SEC23A: variants seen among roughly 807,000 people sequenced by gnomAD.
SEC23A encodes the protein protein transport protein Sec23A.
Under a neutral mutation model 103.7 loss-of-function variants are expected in SEC23A, and 56 were observed. That is an observed-to-expected ratio of 0.54 (90% confidence interval 0.44 to 0.67). The LOEUF (loss-of-function observed/expected upper bound fraction) is 0.67, where lower values mean the gene tolerates loss of function less well. SEC23A is among the 30% of genes least tolerant of loss of function. The pLI, the probability that SEC23A is intolerant of heterozygous loss-of-function variation, is 0.00. For synonymous variants in SEC23A, 281 were observed against 293.0 expected (o/e 0.96, Z 0.42); for missense variants, 784 against 936.4 (o/e 0.84, Z 2.12).
chr14:39,096,489 C>T (rs920157621), intron 1 of SEC23A, among the ~76,000 whole-genome samples: 8 of 151,692 alleles, frequency 5.3e-5, no homozygotes, highest in Non-Finnish European at 7.4e-5. Context: ...GAGATCATTC[C>T]GTTGCACTCC....
At chr14:39,061,429 T>G (rs1886473324) in intron 13 of SEC23A, among the ~76,000 whole-genome samples, 2 of 152,026 alleles carry the variant, frequency 1.3e-5, no homozygotes, top group Non-Finnish European at 2.9e-5. Context: ...ATGTGATTAA[T>G]TACTGTGCTA....
chr14:39,061,579 C>T (rs986084036), intron 13 of SEC23A, among the ~76,000 whole-genome samples, 186 bp downstream of exon 13: 5 of 151,996 alleles, frequency 3.3e-5, no homozygotes, highest in African/African-American at 1.2e-4. Flanking sequence ...TTTAAAATTG[C>T]TCTTACGGTT....
At chr14:39,068,214 A>T (rs59881143) in intron 9 of SEC23A, among the ~76,000 whole-genome samples, 43,169 of 152,014 alleles carry the variant, frequency 0.28, 6,879 homozygotes, top group Non-Finnish European at 0.35. Flanking sequence ...AGATTGGCAA[A>T]AATCAGTTTG....
intron 7 of SEC23A, among the ~76,000 whole-genome samples, chr14:39,081,760 AT>A (rs571576985): frequency 1.8e-4 from 28 of 152,056 alleles, no homozygotes; most frequent in African/African-American, 3.4e-4. Context: ...TTAATATAAA[AT>A]TTTTTTTATT....
chr14:39,043,007 T>C (rs567364670), intron 16 of SEC23A, 135 bp from the exon 17 acceptor site: 3 of 621,426 alleles, frequency 4.8e-6, no homozygotes, highest in South Asian at 2.0e-5. Flanking sequence ...AGAAGGGTCT[T>C]GCTCTGTCAC....
At chr14:39,071,822 C>T (rs1398722300) in intron 9 of SEC23A, among the ~76,000 whole-genome samples, 1 of 152,108 alleles carries the variant, frequency 6.6e-6, no homozygotes, top group Non-Finnish European at 1.5e-5. Context: ...CGAGATCACG[C>T]CACTGCACTC....
chr14:39,074,287 C>T, intron 9 of SEC23A, 128 bp downstream of exon 9: 1 of 708,590 alleles, frequency 1.4e-6, no homozygotes, highest in South Asian at 1.6e-5. Flanking sequence ...TCAAAAACTA[C>T]TAACAGATGT....
chr14:39,100,660 A>G (rs1050362971), intron 1 of SEC23A, among the ~76,000 whole-genome samples: 4 of 151,334 alleles, frequency 2.6e-5, no homozygotes, highest in Non-Finnish European at 5.9e-5. Context: ...TGATCCACCC[A>G]CCTCAGCCTC....
intron 5 of SEC23A, among the ~76,000 whole-genome samples, chr14:39,090,102 T>A (rs1301263960): frequency 6.6e-6 from 1 of 152,192 alleles, no homozygotes; most frequent in African/African-American, 2.4e-5. Flanking sequence ...GCAGCACCAC[T>A]ACCTCAGTCT....
intron 13 of SEC23A, among the ~76,000 whole-genome samples, chr14:39,059,306 A>AAAAAAAAAAAAAAAAAAAAAAG (rs1886385273): frequency 9.1e-6 from 1 of 109,668 alleles, no homozygotes; most frequent in African/African-American, 3.4e-5. Context: ...AAAAAAAAAA[A>AAAAAAAAAAAAAAAAAAAAAAG]AAAACAACAA....
chr14:39,086,511 A>T (rs1259795690), intron 6 of SEC23A, among the ~76,000 whole-genome samples: 1 of 152,062 alleles, frequency 6.6e-6, no homozygotes, highest in Non-Finnish European at 1.5e-5. Context: ...AATCCCAGCT[A>T]CTTGGGAGGC....
intron 7 of SEC23A, among the ~76,000 whole-genome samples, chr14:39,077,131 G>A (rs1267490696): frequency 1.3e-5 from 2 of 148,374 alleles, no homozygotes; most frequent in African/African-American, 5.0e-5. Flanking sequence ...AGGAAGCTGG[G>A]GCAGGAGAAT....
At chr14:39,090,548 A>G (rs1374332038) in intron 5 of SEC23A, among the ~76,000 whole-genome samples, 1 of 152,166 alleles carries the variant, frequency 6.6e-6, no homozygotes, top group Admixed American at 6.5e-5. Context: ...TACACTAAAA[A>G]TCGTCCAGTC....
At chr14:39,040,671 A>G in intron 18 of SEC23A, 61 bp downstream of exon 18, 1 of 1,596,514 alleles carries the variant, frequency 6.3e-7, no homozygotes, top group Non-Finnish European at 8.6e-7. Flanking sequence ...GAAGGCAAGC[A>G]GGTACACCTC....
intron 9 of SEC23A, among the ~76,000 whole-genome samples, chr14:39,071,225 A>T (rs2139243739): frequency 6.6e-6 from 1 of 152,354 alleles, no homozygotes; most frequent in South Asian, 2.1e-4. Flanking sequence ...TATAGGGAAA[A>T]TCCTAAGAAG....
In SEC23A at chr14:39,076,039, T is replaced by C. The variant is rs750535984; in HGVS notation, c.883A>G (p.Thr295Ala). The C allele has an allele frequency of 6.2e-7, 1 of 1,613,864 alleles. No individual in the cohort carries two copies. Among genetic ancestry groups the C allele is most frequent in the Non-Finnish European group, 8.5e-7 (1 of 1,179,902 alleles). The change falls in exon 8 of 20, where the codon ACT (threonine) becomes GCT (alanine). Residue 295 changes from threonine (T) to alanine (A), a missense_variant. Thr to Ala is a moderately conservative substitution (Grantham distance 58). This residue lies in a region of SEC23A where 683 missense variants were observed against 774.2 expected (regional missense o/e 0.88). Transcript: ENST00000307712. ...CCAACCACCATTCCAGGCCCCTGAGTAGCAGGACCACCAATGAACATCATG... is the reference window on the plus strand; with the variant it reads ...CCAACCACCATTCCAGGCCCCTGAGCAGCAGGACCACCAATGAACATCATG... Reference protein sequence around the residue: ...RIMMFIGGPATQGPGMVVGDE... With the variant: ...RIMMFIGGPAAQGPGMVVGDE...
At chr14:39,038,937 A>T in intron 19 of SEC23A, 94 bp downstream of exon 19, 1 of 1,087,300 alleles carries the variant, frequency 9.2e-7, no homozygotes, top group Non-Finnish European at 1.4e-6. Context: ...AGAAACCATT[A>T]CTAAATACAC....
intron 10 of SEC23A, among the ~76,000 whole-genome samples, chr14:39,065,282 A>G (rs536120672): frequency 1.5e-4 from 23 of 152,150 alleles, no homozygotes; most frequent in African/African-American, 5.1e-4. Flanking sequence ...AAATTCACAT[A>G]TCCTAATCTA....
At chr14:39,084,341 TA>T (rs1300477107) in intron 7 of SEC23A, among the ~76,000 whole-genome samples, 8 of 152,310 alleles carry the variant, frequency 5.3e-5, no homozygotes, top group Middle Eastern at 3.4e-3. Context: ...TTTGTAATTC[TA>T]AAGCTAAGAT....
Sources: gnomAD v4.1 joint callset for allele counts (sites outside exome capture counted in the v4.1 genomes callset) on GRCh38, gnomAD v4.1.1 for gene constraint, gnomAD v4.1.1 regional missense constraint, MANE v1.5 for transcripts, NCBI Gene and HGNC (gene_info 2026-07-23, HGNC 2026-07-21) for gene names.